The following AP1B1 variants were observed in gnomAD, a reference collection of about 807,000 sequenced individuals.
The protein encoded by AP1B1 is AP-1 complex subunit beta-1.
A neutral mutation model predicts 104.3 loss-of-function variants in AP1B1; 36 were observed. That is an observed-to-expected ratio of 0.35 (90% CI 0.26 to 0.46). The LOEUF is 0.46. Among genes scored for constraint, AP1B1 ranks in the 20% least tolerant of loss-of-function variants. The pLI is 1.00. For missense variants in AP1B1, 901 were observed against 1,247.9 expected (o/e 0.72, Z 4.19); for synonymous variants, 504 against 517.5 (o/e 0.97, Z 0.35).
At chr22:29,336,214 C>A (rs971318905) in intron 16 of AP1B1, among the ~76,000 whole-genome samples, 9 of 152,216 alleles carry the variant, frequency 5.9e-5, no homozygotes, top group African/African-American at 2.2e-4. Context: ...TGTAACCCCA[C>A]AAGCAGGGTG....
intron 18 of AP1B1, 90 bp from the exon 19 acceptor site, chr22:29,331,623 A>G: frequency 6.3e-7 from 1 of 1,579,328 alleles, no homozygotes. Flanking sequence ...ATTCTCTCCC[A>G]GGGCCTTCCC....
chr22:29,347,021 G>T (rs1455685143), intron 11 of AP1B1, among the ~76,000 whole-genome samples: 1 of 152,158 alleles, frequency 6.6e-6, no homozygotes, highest in East Asian at 1.9e-4. Context: ...AATAGGTCCT[G>T]GGACTTTTGC....
chr22:29,333,861 C>T (rs1288314326), intron 17 of AP1B1, among the ~76,000 whole-genome samples: 3 of 151,666 alleles, frequency 2.0e-5, no homozygotes, highest in East Asian at 1.9e-4. Flanking sequence ...CTCAGGAGTT[C>T]GAGACCAGCC....
At chr22:29,374,066 C>A (rs527693261) in intron 1 of AP1B1, among the ~76,000 whole-genome samples, 1 of 151,090 alleles carries the variant, frequency 6.6e-6, no homozygotes, top group Non-Finnish European at 1.5e-5. Context: ...GGCATGGTGG[C>A]GGTGCATGCC....
intron 16 of AP1B1, among the ~76,000 whole-genome samples, chr22:29,337,738 T>C (rs1038824531): frequency 6.6e-6 from 1 of 152,068 alleles, no homozygotes; most frequent in African/African-American, 2.4e-5. Flanking sequence ...CAACTCTCCT[T>C]CCCTCAGCCC....
intron 1 of AP1B1, among the ~76,000 whole-genome samples, chr22:29,387,834 A>C (rs1478764511): frequency 1.3e-5 from 2 of 152,224 alleles, no homozygotes; most frequent in African/African-American, 4.8e-5. Flanking sequence ...CATTGTAAGG[A>C]AAGTGCTTAG....
chr22:29,331,020 G>C (rs2061549711), intron 19 of AP1B1, among the ~76,000 whole-genome samples: 1 of 152,210 alleles, frequency 6.6e-6, no homozygotes, highest in Non-Finnish European at 1.5e-5. Flanking sequence ...CAGGCCTTCT[G>C]TGGCAAGCAA....
chr22:29,339,924 G>A (rs1328684952), intron 14 of AP1B1, 150 bp from the exon 15 acceptor site: 4 of 859,458 alleles, frequency 4.7e-6, no homozygotes, highest in African/African-American at 3.4e-5. Context: ...TGTGAGGTCT[G>A]GCGAGAGGCC....
At chr22:29,341,973 C>A (rs2061722544) in intron 12 of AP1B1, among the ~76,000 whole-genome samples, 1 of 152,226 alleles carries the variant, frequency 6.6e-6, no homozygotes, top group East Asian at 1.9e-4. Context: ...CCTGGCCATG[C>A]CTGTCTCTAC....
chr22:29,349,319 C>T lies in AP1B1; in HGVS notation c.1336G>A (p.Ala446Thr), dbSNP rs543593960. Residue 446 changes from alanine (A) to threonine (T), a missense_variant, in exon 11 of 23, where the codon GCT becomes ACT. By Grantham distance (58) the Ala-to-Thr change is moderately conservative (BLOSUM62 0). This residue lies in a region of AP1B1 where 471 missense variants were observed against 696.7 expected (regional missense o/e 0.68). Transcript: ENST00000357586. ...TCGCCCACAATCCAGATCATGGCAG[C>T]CCGGGCCTCAGGCTCATCCAGGGAG... is the stretch of plus-strand genomic sequence containing the variant. ...LDSLDEPEAR[A>T]AMIWIVGEYA... is the part of the protein sequence containing the mutation. 101 of 1,614,140 alleles carry T rather than the reference C, an allele frequency of 6.3e-5. No homozygotes were observed. The South Asian group carries it at 1.0e-3, about 17-fold the overall frequency.
At chr22:29,385,457 G>A (rs979185586) in intron 1 of AP1B1, among the ~76,000 whole-genome samples, 3 of 152,184 alleles carry the variant, frequency 2.0e-5, no homozygotes, top group Non-Finnish European at 4.4e-5. Context: ...GGGAAAAGGT[G>A]AGTGTGGAGC....
chr22:29,358,838 C>T lies in AP1B1; in HGVS notation c.413G>A (p.Arg138His), dbSNP rs750286015. The T allele has an allele frequency of 4.3e-6, 7 of 1,614,122 alleles. No individual in the cohort carries two copies. Among genetic ancestry groups the T allele is most frequent in the African/African-American group, 1.3e-5 (1 of 74,938 alleles). ...KCLKDEDPYV[R>H]KTAAVCVAKL... is the part of the protein sequence containing the mutation. The stretch of plus-strand genomic sequence containing the variant: ...GGCCACGCACACAGCTGCTGTCTTG[C>T]GCACATATGGATCCTCGTCCTTCAG... The change falls in exon 5 of 23, where the codon CGC (arginine) becomes CAC (histidine). Residue 138 changes from arginine (R) to histidine (H), a missense_variant. Coordinates refer to ENST00000357586, the MANE Select transcript of AP1B1 (RefSeq NM_001127.4).
intron 11 of AP1B1, among the ~76,000 whole-genome samples, chr22:29,348,442 G>C (rs2061824872): frequency 6.6e-6 from 1 of 152,230 alleles, no homozygotes; most frequent in Admixed American, 6.5e-5. Flanking sequence ...ACAGAAGGCT[G>C]TGATGTGCCT....
chr22:29,345,241 A>G (rs2061774467), intron 11 of AP1B1, among the ~76,000 whole-genome samples: 1 of 146,186 alleles, frequency 6.8e-6, no homozygotes, highest in Admixed American at 6.8e-5. Context: ...TTTTTTTTAT[A>G]GAGATGAGGT....
At chr22:29,374,164 T>C (rs2062293486) in intron 1 of AP1B1, among the ~76,000 whole-genome samples, 1 of 152,068 alleles carries the variant, frequency 6.6e-6, no homozygotes, top group Non-Finnish European at 1.5e-5. Flanking sequence ...TCGGCGCCAC[T>C]GCACTCCAGC....
chr22:29,359,201 G>T (rs536068027), intron 4 of AP1B1, among the ~76,000 whole-genome samples: 16 of 152,244 alleles, frequency 1.1e-4, no homozygotes, highest in African/African-American at 3.6e-4. Flanking sequence ...ATACAATACG[G>T]GTCCCATTTT....
intron 1 of AP1B1, among the ~76,000 whole-genome samples, chr22:29,387,523 G>A (rs901915400): frequency 6.6e-6 from 1 of 151,514 alleles, no homozygotes; most frequent in Non-Finnish European, 1.5e-5. Context: ...GGTCAGGCTG[G>A]TCTTGAACTC....
intron 9 of AP1B1, 109 bp downstream of exon 9, chr22:29,351,062 G>T: frequency 9.4e-7 from 1 of 1,065,318 alleles, no homozygotes; most frequent in Non-Finnish European, 1.4e-6. Flanking sequence ...TGAGCCTCAG[G>T]CCTTCCCAGA....
intron 10 of AP1B1, among the ~76,000 whole-genome samples, chr22:29,349,823 C>T (rs967850105): frequency 2.0e-5 from 3 of 152,122 alleles, no homozygotes; most frequent in Non-Finnish European, 4.4e-5. Flanking sequence ...GCCTGGGGAT[C>T]TGAGTTTCAT....
Sources: allele counts gnomAD v4.1 joint callset (sites outside exome capture counted in the v4.1 genomes callset), GRCh38; gene constraint gnomAD v4.1.1; regional missense constraint gnomAD v4.1.1; transcripts MANE v1.5; gene names NCBI Gene and HGNC (gene_info 2026-07-23, HGNC 2026-07-21).